The following HEMK2 variants were observed in gnomAD, a reference collection of about 807,000 sequenced individuals.
HEMK2 encodes the protein HemK methyltransferase 2, ETF1 glutamine and histone H4 lysine.
the HEMK2 span, among the ~76,000 whole-genome samples, chr21:28,800,026 G>A: frequency 1.3e-5 from 2 of 152,158 alleles, no homozygotes; most frequent in Non-Finnish European, 2.9e-5. Flanking sequence ...TCACATTGTA[G>A]CTTTGGCAAT....
chr21:28,683,326 A>C, the HEMK2 span, among the ~76,000 whole-genome samples: 3 of 152,190 alleles, frequency 2.0e-5, no homozygotes, highest in East Asian at 5.8e-4. Context: ...GAAATAGGTC[A>C]AAAAGCAAAA....
chr21:28,771,702 C>T, the HEMK2 span, among the ~76,000 whole-genome samples: 2 of 152,056 alleles, frequency 1.3e-5, no homozygotes, highest in African/African-American at 2.4e-5. Context: ...CTATGACTTT[C>T]CAAGGTCCTT....
the HEMK2 span, among the ~76,000 whole-genome samples, chr21:28,786,198 G>A: frequency 6.6e-6 from 1 of 152,202 alleles, no homozygotes; most frequent in Non-Finnish European, 1.5e-5. Context: ...ACACCGCCAT[G>A]TTTCAATCTT....
chr21:28,757,403 C>T, the HEMK2 span, among the ~76,000 whole-genome samples: 1 of 152,066 alleles, frequency 6.6e-6, no homozygotes, highest in African/African-American at 2.4e-5. Flanking sequence ...TTTTCTCATT[C>T]CTGCCTGCCC....
At chr21:28,715,109 C>A in the HEMK2 span, among the ~76,000 whole-genome samples, 1 of 152,078 alleles carries the variant, frequency 6.6e-6, no homozygotes, top group Non-Finnish European at 1.5e-5. Context: ...CATATAAGTG[C>A]ATGTGTTTTT....
chr21:28,696,963 C>T, the HEMK2 span, among the ~76,000 whole-genome samples: 5 of 152,162 alleles, frequency 3.3e-5, no homozygotes, highest in South Asian at 8.3e-4. Flanking sequence ...GCACCATGTC[C>T]GGAGGCTGCA....
chr21:28,715,063 C>A, the HEMK2 span, among the ~76,000 whole-genome samples: 1 of 152,160 alleles, frequency 6.6e-6, no homozygotes, highest in Non-Finnish European at 1.5e-5. Flanking sequence ...TAGGTTGAAT[C>A]AATGTCTTTA....
the HEMK2 span, among the ~76,000 whole-genome samples, chr21:28,746,998 C>T: frequency 1.3e-5 from 2 of 152,124 alleles, no homozygotes; most frequent in Admixed American, 6.5e-5. Flanking sequence ...GTGCAGAGAA[C>T]GTAGAAGCAA....
the HEMK2 span, among the ~76,000 whole-genome samples, chr21:28,735,667 T>G: frequency 6.6e-6 from 1 of 152,200 alleles, no homozygotes; most frequent in Non-Finnish European, 1.5e-5. Flanking sequence ...GACGTTTTGT[T>G]GGTTGATTGG....
the HEMK2 span, among the ~76,000 whole-genome samples, chr21:28,714,238 CTT>C: frequency 1.4e-4 from 22 of 152,046 alleles, no homozygotes; most frequent in Non-Finnish European, 2.5e-4. Context: ...GTTCTTAGAA[CTT>C]TTTTCCAGGT....
the HEMK2 span, among the ~76,000 whole-genome samples, chr21:28,678,876 A>G: frequency 6.6e-6 from 1 of 152,216 alleles, no homozygotes; most frequent in Admixed American, 6.5e-5. Flanking sequence ...GCCTGCCCTA[A>G]AAGAGTTCCT....
chr21:28,666,427 C>T, the HEMK2 span, among the ~76,000 whole-genome samples: 12 of 152,202 alleles, frequency 7.9e-5, no homozygotes, highest in Non-Finnish European at 1.6e-4. Context: ...CTAATACATG[C>T]CTTTGGAGAA....
chr21:28,764,846 C>A, the HEMK2 span, among the ~76,000 whole-genome samples: 1 of 152,210 alleles, frequency 6.6e-6, no homozygotes. Flanking sequence ...GCTACATTTA[C>A]TTCTAATTCT....
chr21:28,845,777 C>T, the HEMK2 span, among the ~76,000 whole-genome samples: 3 of 151,782 alleles, frequency 2.0e-5, no homozygotes, highest in Non-Finnish European at 1.5e-5. Flanking sequence ...ATCTCCTTAC[C>T]AAATTCTCTT....
the HEMK2 span, among the ~76,000 whole-genome samples, chr21:28,694,748 T>C: frequency 6.6e-6 from 1 of 152,142 alleles, no homozygotes; most frequent in African/African-American, 2.4e-5. Flanking sequence ...TCCTAGCACT[T>C]TGGAAGGCTG....
the HEMK2 span, among the ~76,000 whole-genome samples, chr21:28,785,808 T>G: frequency 6.6e-6 from 1 of 152,184 alleles, no homozygotes; most frequent in Non-Finnish European, 1.5e-5. Flanking sequence ...AATTTCTGAC[T>G]CAAAATTTAT....
the HEMK2 span, among the ~76,000 whole-genome samples, chr21:28,704,093 AT>A: frequency 1.2e-4 from 18 of 152,138 alleles, no homozygotes. Context: ...AAACCCCTTG[AT>A]ATATAAACAG....
the HEMK2 span, among the ~76,000 whole-genome samples, chr21:28,701,314 G>A: frequency 1.3e-5 from 2 of 152,052 alleles, no homozygotes; most frequent in Non-Finnish European, 1.5e-5. Context: ...GCAAGAGAAA[G>A]ATATAAAAGG....
the HEMK2 span, among the ~76,000 whole-genome samples, chr21:28,658,152 T>C: frequency 2.0e-5 from 3 of 152,050 alleles, no homozygotes; most frequent in Non-Finnish European, 4.4e-5. Context: ...CTCTGTATGG[T>C]ATTTGGCTCT....
Sources: allele counts gnomAD v4.1 joint callset (sites outside exome capture counted in the v4.1 genomes callset), GRCh38; gene constraint gnomAD v4.1.1; transcripts MANE v1.5; gene names NCBI Gene and HGNC (gene_info 2026-07-23, HGNC 2026-07-21).